The following CTIF variants were observed in gnomAD, a reference collection of about 807,000 sequenced individuals.
The protein encoded by CTIF is cap binding complex dependent translation initiation factor, also known as CBP80/20-dependent translation initiation factor.
CTIF carries 21 observed loss-of-function variants against 66.0 expected under a neutral mutation model. That is an observed-to-expected ratio of 0.32 (90% CI 0.23 to 0.46). CTIF has a LOEUF of 0.46. Among genes scored for constraint, CTIF ranks in the 20% least tolerant of loss-of-function variants. The pLI, the probability that CTIF is intolerant of heterozygous loss-of-function variation, is 1.00. For synonymous variants in CTIF, 345 were observed against 326.4 expected (o/e 1.06, Z -0.62); for missense variants, 739 against 812.7 (o/e 0.91, Z 1.10).
Position 48,716,383 on chromosome 18 carries a change from G to A in CTIF, c.584+4688G>A, listed in dbSNP as rs552517761. On this transcript the variant is annotated intron_variant, in intron 7 of 11. Transcript: ENST00000256413. ...TGCTCCAGAATGCTTCCTGGAGGAG[G>A]TGGGGCTTGAACTACTAGTGAGACC... 1.2e-4 allele frequency among the ~76,000 whole-genome samples: 19 copies of A among 152,334 alleles called. No individual in the cohort carries two copies. In the East Asian group the frequency reaches 3.1e-3, roughly 25 times the overall value.
At chr18:48,769,748 T>C (rs1432062845) in intron 9 of CTIF, among the ~76,000 whole-genome samples, 1 of 152,262 alleles carries the variant, frequency 6.6e-6, no homozygotes, top group Non-Finnish European at 1.5e-5. Context: ...TTGTCTGCAC[T>C]TGCTTTGGGA....
chr18:48,787,612 A>G (rs1254936073), intron 9 of CTIF, among the ~76,000 whole-genome samples: 1 of 152,126 alleles, frequency 6.6e-6, no homozygotes, highest in Non-Finnish European at 1.5e-5. Context: ...CCTCCTGGGT[A>G]TCCTCTCATG....
At chr18:48,760,160 T>A (rs2145878065) in intron 8 of CTIF, 1 of 151,898 alleles carries the variant, frequency 6.6e-6, no homozygotes, top group South Asian at 2.1e-4. Context: ...GCCACCCTAT[T>A]CCTTCACCCA....
rs543801918 is a variant in CTIF, at chr18:48,857,403, C to A, written c.1528-185C>A. Among the ~76,000 whole-genome samples the A allele has an allele frequency of 1.1e-4, 17 of 152,340 alleles. No individual in the cohort carries two copies. In the South Asian group the frequency reaches 3.5e-3, roughly 32 times the overall value. On this transcript the variant is annotated intron_variant, in intron 10 of 11. Coordinates refer to ENST00000256413, the MANE Select transcript of CTIF (RefSeq NM_014772.3). ...AACCCTGTCGGAGAAATCACGGCCA[C>A]CCGGCGCAACTGACTTTCTGCTCTC...
chr18:48,701,351 G>C (rs1429261790), intron 6 of CTIF, among the ~76,000 whole-genome samples: 3 of 152,182 alleles, frequency 2.0e-5, no homozygotes, highest in Non-Finnish European at 4.4e-5. Flanking sequence ...GAGCATGTCA[G>C]TCCACTCCAG....
intron 1 of CTIF, among the ~76,000 whole-genome samples, chr18:48,615,292 G>A (rs757571007): frequency 1.8e-4 from 27 of 152,200 alleles, no homozygotes; most frequent in African/African-American, 5.8e-4. Context: ...GGAGGTGGAC[G>A]GGCAGAGGAG....
At chr18:48,719,969 C>T (rs1051612899) in intron 7 of CTIF, among the ~76,000 whole-genome samples, 2 of 152,284 alleles carry the variant, frequency 1.3e-5, no homozygotes, top group South Asian at 2.1e-4. Flanking sequence ...TTTCTTTAAA[C>T]AGAAACACAT....
At position 48,862,355 on chromosome 18, in the gene CTIF, A is replaced by AGTCT. The variant is rs1599187893; in HGVS notation, c.*2797_*2800dup. Reference sequence around the variant, plus strand: ...AGCCATCTGATGTTGATCCTGTCTCAGTCTCCCCACTGCCTGTCAGGATGA... The same window carrying AGTCT: ...AGCCATCTGATGTTGATCCTGTCTCAGTCTGTCTCCCCACTGCCTGTCAGGATGA... On this transcript the variant is annotated 3_prime_UTR_variant, in exon 12 of 12. Coordinates refer to ENST00000256413, the MANE Select transcript of CTIF (RefSeq NM_014772.3). 2 of 152,434 alleles carry AGTCT rather than the reference A, an allele frequency of 1.3e-5. No homozygotes were observed. Among genetic ancestry groups the AGTCT allele is most frequent in the South Asian group, 2.1e-4 (1 of 4,838 alleles). 9.4% of individuals were successfully genotyped at this position (152,434 alleles called of 1,614,324 possible). A position where few individuals can be genotyped will look rare whatever the true frequency, so the allele number is the denominator to read the frequency against.
At chr18:48,772,080 ACT>A (rs1341779109) in intron 9 of CTIF, among the ~76,000 whole-genome samples, 1 of 152,164 alleles carries the variant, frequency 6.6e-6, no homozygotes, top group African/African-American at 2.4e-5. Flanking sequence ...ACAGAGGGTC[ACT>A]CTTTCAAAAG....
At chr18:48,680,168 A>C (rs1230321344) in intron 6 of CTIF, among the ~76,000 whole-genome samples, 2 of 152,168 alleles carry the variant, frequency 1.3e-5, no homozygotes, top group Non-Finnish European at 2.9e-5. Flanking sequence ...ACCAGGGAAG[A>C]AGTTTTGTTA....
At chr18:48,829,594 G>A (rs994477947) in intron 10 of CTIF, among the ~76,000 whole-genome samples, 6 of 152,214 alleles carry the variant, frequency 3.9e-5, no homozygotes, top group African/African-American at 1.2e-4. Context: ...CAGCCTCCGT[G>A]CTCCAGCACA....
At chr18:48,588,659 G>C (rs2089824092) in intron 1 of CTIF, among the ~76,000 whole-genome samples, 1 of 152,056 alleles carries the variant, frequency 6.6e-6, no homozygotes, top group African/African-American at 2.4e-5. Context: ...CCTTCTCCTG[G>C]CTGCATCTTC....
intron 9 of CTIF, among the ~76,000 whole-genome samples, chr18:48,802,370 C>T (rs561751504): frequency 1.3e-5 from 2 of 152,348 alleles, no homozygotes; most frequent in African/African-American, 2.4e-5. Flanking sequence ...AGGGAATATC[C>T]GAATTCTGCA....
chr18:48,595,233 G>C (rs930300258), intron 1 of CTIF, among the ~76,000 whole-genome samples: 1 of 152,100 alleles, frequency 6.6e-6, no homozygotes, highest in Non-Finnish European at 1.5e-5. Flanking sequence ...AAGGTGGCAG[G>C]CACCTTAGAG....
chr18:48,681,161 T>G (rs544621239), intron 6 of CTIF, among the ~76,000 whole-genome samples: 1 of 152,190 alleles, frequency 6.6e-6, no homozygotes, highest in African/African-American at 2.4e-5. Context: ...CCCAGGGACC[T>G]CCCTCCTACA....
intron 1 of CTIF, among the ~76,000 whole-genome samples, chr18:48,540,664 C>A (rs1399467341): frequency 6.6e-6 from 1 of 151,998 alleles, no homozygotes; most frequent in African/African-American, 2.4e-5. Context: ...GCGTGCGTCT[C>A]CACCCCGAGG....
intron 3 of CTIF, among the ~76,000 whole-genome samples, chr18:48,637,468 G>T (rs1049261701): frequency 3.3e-5 from 5 of 152,210 alleles, no homozygotes; most frequent in Non-Finnish European, 1.5e-5. Flanking sequence ...GACTATGCCT[G>T]TCTGGAAAGC....
At chr18:48,830,810 G>C (rs1015139465) in intron 10 of CTIF, among the ~76,000 whole-genome samples, 1 of 146,202 alleles carries the variant, frequency 6.8e-6, no homozygotes, top group African/African-American at 2.6e-5. Flanking sequence ...TGCCCTACTA[G>C]TGCCTGGCTT....
intron 7 of CTIF, among the ~76,000 whole-genome samples, chr18:48,729,291 A>T (rs2092415633): frequency 6.6e-6 from 1 of 152,120 alleles, no homozygotes; most frequent in Admixed American, 6.5e-5. Context: ...ACTACCACAC[A>T]CACAGACACA....
Sources: gnomAD v4.1 joint callset for allele counts (sites outside exome capture counted in the v4.1 genomes callset) on GRCh38, gnomAD v4.1.1 for gene constraint, MANE v1.5 for transcripts, NCBI Gene and HGNC (gene_info 2026-07-23, HGNC 2026-07-21) for gene names.